The following IL4R variants were observed in gnomAD, a reference collection of about 807,000 sequenced individuals.
IL4R encodes interleukin 4 receptor.
Under a neutral mutation model 41.5 loss-of-function variants are expected in IL4R, and 17 were observed. That is an observed-to-expected ratio of 0.41 (90% CI 0.28 to 0.61). IL4R has a LOEUF of 0.61. Among genes scored for constraint, IL4R ranks in the 20% least tolerant of loss-of-function variants. The pLI is 0.31. For synonymous variants in IL4R, 402 were observed against 422.9 expected, an observed-to-expected ratio of 0.95 and a Z score of 0.61; for missense variants, 974 against 1,043.1, an observed-to-expected ratio of 0.93 and a Z score of 0.91.
At chr16:27,359,854 G>C in intron 9 of IL4R, 1 of 456,226 alleles carries the variant, frequency 2.2e-6, no homozygotes, top group Non-Finnish European at 4.4e-6. Context: ...GAAATGTAGA[G>C]GGTTACAACA....
chr16:27,341,004 G>A (rs922789951), intron 3 of IL4R: 2 of 531,176 alleles, frequency 3.8e-6, no homozygotes, highest in Non-Finnish European at 7.2e-6. Flanking sequence ...GTGACAGAGT[G>A]GCTGAATCAA....
rs1237452960 is a variant in IL4R at position 27,314,090 on chromosome 16, C to T, written c.-152+70C>T. 2.0e-5 allele frequency: 20 copies of T among 984,924 alleles called. 1 individual carries two copies. The highest frequency in any genetic ancestry group is 2.0e-5 in the Non-Finnish European group (17 of 829,818). The allele number at this position is 984,924 out of a possible 1,614,324, so 61.0% of individuals were successfully genotyped here. ...CCCGGGCACGCCGGCTGAGGGCGTTCGGGAAGGGCTCGGCCGCCGGCGGGG... is the reference window on the plus strand; with the variant it reads ...CCCGGGCACGCCGGCTGAGGGCGTTTGGGAAGGGCTCGGCCGCCGGCGGGG... On this transcript the variant is annotated intron_variant, in intron 1 of 10. Transcript: ENST00000395762.
At chr16:27,354,923 A>G in intron 7 of IL4R, 1 of 429,034 alleles carries the variant, frequency 2.3e-6, no homozygotes, top group Non-Finnish European at 5.1e-6. Context: ...TGCTTGGGAA[A>G]GTTTTGAATT....
intron 9 of IL4R, among the ~76,000 whole-genome samples, chr16:27,359,252 G>A (rs2086199434): frequency 6.6e-6 from 1 of 152,212 alleles, no homozygotes; most frequent in Admixed American, 6.5e-5. Flanking sequence ...CCCCTTGGGA[G>A]AATGACCCTT....
chr16:27,361,004 T>G, intron 10 of IL4R, 189 bp downstream of exon 10: 1 of 1,470,360 alleles, frequency 6.8e-7, no homozygotes. Context: ...GCCCCCTGAG[T>G]TTCACTGGTG....
chr16:27,339,083 G>A (rs745708535), intron 2 of IL4R, among the ~76,000 whole-genome samples: 1 of 151,990 alleles, frequency 6.6e-6, no homozygotes, highest in Non-Finnish European at 1.5e-5. Context: ...TCGAACTCCT[G>A]ACCTCAGGTG....
chr16:27,330,573 C>T (rs76623746), intron 2 of IL4R, among the ~76,000 whole-genome samples: 221 of 152,064 alleles, frequency 1.5e-3, no homozygotes, highest in Middle Eastern at 0.014. Context: ...TTTGTGTTTG[C>T]GTACGCATGT....
intron 1 of IL4R, among the ~76,000 whole-genome samples, chr16:27,327,422 GT>G (rs2141080572): frequency 6.6e-6 from 1 of 152,226 alleles, no homozygotes; most frequent in African/African-American, 2.4e-5. Context: ...TCTCCCCCGA[GT>G]TTTTTAAAAA....
At chr16:27,318,606 TA>T (rs1301200552) in intron 1 of IL4R, 5 of 152,322 alleles carry the variant, frequency 3.3e-5, no homozygotes, top group African/African-American at 9.6e-5. Flanking sequence ...GTTTCAAGTC[TA>T]GCTCTGACTG....
In IL4R at chr16:27,358,839, A is replaced by G. The variant is rs910594571; in HGVS notation, c.771-77A>G. ...CTCTGATGCCAAATAAGTATTGGTG[A>G]TAACGACCACTTTTATGGGAGGAGC... On this transcript the variant is annotated intron_variant, in intron 8 of 10. Coordinates refer to ENST00000395762, the MANE Select transcript of IL4R (RefSeq NM_000418.4). 1.8e-5 allele frequency: 20 copies of G among 1,111,776 alleles called. No individual in the cohort carries two copies. In the African/African-American group the frequency reaches 3.1e-4, roughly 17 times the overall value. 68.9% of individuals were successfully genotyped at this position (1,111,776 alleles called of 1,614,324 possible). A position where few individuals can be genotyped will look rare whatever the true frequency, so the allele number is the denominator to read the frequency against.
chr16:27,348,458 A>G (rs1195921401), intron 6 of IL4R, among the ~76,000 whole-genome samples: 2 of 152,250 alleles, frequency 1.3e-5, no homozygotes, highest in African/African-American at 4.8e-5. Context: ...GCCTTCAGGC[A>G]TGGCTGGATC....
intron 2 of IL4R, among the ~76,000 whole-genome samples, chr16:27,339,629 C>G (rs1053890805): frequency 6.6e-6 from 1 of 152,076 alleles, no homozygotes; most frequent in Non-Finnish European, 1.5e-5. Flanking sequence ...CAAGGAAGGC[C>G]ACATCCAGAA....
intron 3 of IL4R, 139 bp from the exon 4 acceptor site, chr16:27,341,982 G>A: frequency 1.2e-6 from 1 of 859,508 alleles, no homozygotes; most frequent in Non-Finnish European, 1.8e-6. Flanking sequence ...CCCTGGTCCT[G>A]GCCCCAGCTC....
chr16:27,349,257 C>T (rs142821780), intron 6 of IL4R, among the ~76,000 whole-genome samples: 1 of 152,278 alleles, frequency 6.6e-6, no homozygotes, highest in East Asian at 1.9e-4. Flanking sequence ...CACCTAAACC[C>T]GATGGCATAA....
chr16:27,346,609 C>A lies in IL4R; in HGVS notation c.504C>A (p.Asp168Glu), dbSNP rs775265328. ...CAGTCAACATTTGGAGTGAAAACGA[C>A]CCGGCAGATGTGAGTGGGCATGCTT... is the stretch of plus-strand genomic sequence containing the variant. Reference protein sequence around the residue: ...TYAVNIWSENDPADFRIYNVT... With the variant: ...TYAVNIWSENEPADFRIYNVT... The change falls in exon 6 of 11, where the codon GAC (aspartate) becomes GAA (glutamate). Residue 168 changes from aspartate (D) to glutamate (E), a missense_variant. This residue lies in a region of IL4R where 284 missense variants were observed against 313.4 expected (regional missense o/e 0.91). Transcript: ENST00000395762. 6.2e-7 allele frequency: 1 copy of A among 1,614,054 alleles called. No individual in the cohort carries two copies. Among genetic ancestry groups the A allele is most frequent in the Non-Finnish European group, 8.5e-7 (1 of 1,180,014 alleles).
intron 4 of IL4R, among the ~76,000 whole-genome samples, chr16:27,343,193 G>A (rs1245933729): frequency 2.0e-5 from 3 of 152,154 alleles, no homozygotes; most frequent in African/African-American, 2.4e-5. Context: ...GGGGATATAC[G>A]GCACACCAGC....
Position 27,362,975 on chromosome 16 carries a change from T to C in IL4R, c.1623T>C (p.Thr541=), listed in dbSNP as rs772250267. Residue 541 remains threonine, a synonymous_variant, in exon 11 of 11, where the codon ACT becomes ACC. Transcript: ENST00000395762. The stretch of plus-strand genomic sequence containing the variant: ...TCCCCCAGCTCTCTGAGCCAACCAC[T>C]GTGCCCCAACCTGAGCCAGAAACCT... ...PCVPQLSEPT[T]VPQPEPETWE... 9 of 1,613,956 alleles carry C rather than the reference T, an allele frequency of 5.6e-6. No individual in the cohort carries two copies. In the African/African-American group the frequency reaches 9.3e-5, roughly 17 times the overall value.
chr16:27,346,522 G>C lies in IL4R; in HGVS notation c.417G>C (p.Leu139=). The C allele has an allele frequency of 6.2e-7, 1 of 1,614,160 alleles. No homozygotes were observed. The highest frequency in any genetic ancestry group is 8.5e-7 in the Non-Finnish European group (1 of 1,180,014). The change falls in exon 6 of 11, where the codon CTG becomes CTC. Residue 139 remains leucine, a synonymous_variant. Transcript: ENST00000395762. Reference sequence around the variant, plus strand: ...TTCACACCAATGTCTCCGACACTCTGCTGCTGACCTGGAGCAACCCGTATC... The same window carrying C: ...TTCACACCAATGTCTCCGACACTCTCCTGCTGACCTGGAGCAACCCGTATC... ...LTVHTNVSDT[L]LLTWSNPYPP... is the part of the protein sequence containing the mutation.
At chr16:27,351,042 C>T (rs1431012709) in intron 6 of IL4R, among the ~76,000 whole-genome samples, 1 of 152,222 alleles carries the variant, frequency 6.6e-6, no homozygotes, top group Admixed American at 6.5e-5. Context: ...GGAGTCTGGA[C>T]ATAGCTTAGC....
Sources: gnomAD v4.1 joint callset for allele counts (sites outside exome capture counted in the v4.1 genomes callset) on GRCh38, gnomAD v4.1.1 for gene constraint, gnomAD v4.1.1 regional missense constraint, MANE v1.5 for transcripts, NCBI Gene and HGNC (gene_info 2026-07-23, HGNC 2026-07-21) for gene names.